The following CCNB3 variants were observed in gnomAD, a reference collection of about 807,000 sequenced individuals.
The protein encoded by CCNB3 is cyclin B3.
Under a neutral mutation model 68.0 loss-of-function variants are expected in CCNB3, and 12 were observed. The observed-to-expected ratio is 0.18, with a 90% CI of 0.11 to 0.29. The LOEUF is 0.29. CCNB3 is among the 10% of genes least tolerant of loss of function. The pLI is 1.00. For missense variants in CCNB3, 904 were observed against 993.1 expected (o/e 0.91, Z 1.21); for synonymous variants, 354 against 388.9 (o/e 0.91, Z 1.06).
intron 8 of CCNB3, among the ~76,000 whole-genome samples, chrX:50,338,589 A>G (rs1201800674): frequency 2.7e-5 from 3 of 111,819 alleles, no homozygotes; most frequent in Non-Finnish European, 5.6e-5. Context: ...GTCAATTTTT[A>G]ACTACCAGGC....
chrX:50,220,496 G>A (rs1466228963), intron 1 of CCNB3, among the ~76,000 whole-genome samples: 1 of 111,532 alleles, frequency 9.0e-6, no homozygotes, highest in Non-Finnish European at 1.9e-5. Context: ...GAATTTTATC[G>A]AAGACCTTTT....
chrX:50,227,441 T>A (rs1392989482), intron 1 of CCNB3, among the ~76,000 whole-genome samples: 1 of 87,338 alleles, frequency 1.1e-5, no homozygotes, highest in African/African-American at 4.2e-5. Context: ...ACAGAGAATA[T>A]ATACAAATAT....
intron 1 of CCNB3, among the ~76,000 whole-genome samples, chrX:50,224,061 GT>G (rs1416341161): frequency 1.8e-5 from 2 of 110,683 alleles, no homozygotes; most frequent in South Asian, 3.8e-4. Context: ...TTGTTGTTAG[GT>G]TTTTTTTAAC....
intron 2 of CCNB3, 64 bp from the exon 3 acceptor site, chrX:50,285,063 G>T (rs1936210538): frequency 1.5e-6 from 1 of 645,673 alleles, no homozygotes; most frequent in Non-Finnish European, 2.5e-6. Flanking sequence ...GTTTTCTCAA[G>T]AATTTTCAGA....
In CCNB3 at chrX:50,279,310, AT is replaced by A. The variant is rs1936030006; in HGVS notation, c.-112-5229del. Among the ~76,000 whole-genome samples the A allele has an allele frequency of 4.2e-5, 3 of 72,237 alleles. No homozygotes were observed. The South Asian group carries it at 2.2e-3, about 53-fold the overall frequency. 62.7% of individuals were successfully genotyped at this position (72,237 alleles called of 115,157 possible). A position where few individuals can be genotyped will look rare whatever the true frequency, so the allele number is the denominator to read the frequency against. On this transcript the variant is annotated intron_variant, in intron 1 of 12. Coordinates refer to ENST00000376042, the MANE Select transcript of CCNB3 (RefSeq NM_033031.3). ...TATATAAATATATATGAATATTTAT[AT>A]TTAATATATATTTAAATATATATGA...
At chrX:50,213,239 T>C (rs1369056139) in intron 1 of CCNB3, among the ~76,000 whole-genome samples, 6 of 112,351 alleles carry the variant, frequency 5.3e-5, no homozygotes, top group Non-Finnish European at 1.1e-4. Flanking sequence ...TCTTTCCATT[T>C]ATTTAGGTCT....
At chrX:50,297,795 C>T (rs1936511615) in intron 5 of CCNB3, among the ~76,000 whole-genome samples, 1 of 111,504 alleles carries the variant, frequency 9.0e-6, no homozygotes, top group African/African-American at 3.3e-5. Flanking sequence ...TTTGTATCCT[C>T]TTTTATTTCA....
chrX:50,326,629 T>C (rs1472042796), intron 8 of CCNB3, among the ~76,000 whole-genome samples: 1 of 111,214 alleles, frequency 9.0e-6, no homozygotes, highest in African/African-American at 3.3e-5. Flanking sequence ...CTCTGTTACA[T>C]TGCTTAAATT....
chrX:50,279,258 A>AAT (rs1936026409), intron 1 of CCNB3, among the ~76,000 whole-genome samples: 1 of 70,986 alleles, frequency 1.4e-5, no homozygotes, highest in African/African-American at 5.8e-5. Context: ...ACTATATATA[A>AAT]ATATATAGAG....
chrX:50,226,235 T>TC (rs1341624190), intron 1 of CCNB3, among the ~76,000 whole-genome samples: 1 of 61,020 alleles, frequency 1.6e-5, no homozygotes, highest in East Asian at 4.8e-4. Flanking sequence ...ATATATATAT[T>TC]TATATATATA....
intron 5 of CCNB3, among the ~76,000 whole-genome samples, chrX:50,304,196 A>G (rs1043745985): frequency 9.0e-6 from 1 of 111,703 alleles, no homozygotes; most frequent in Non-Finnish European, 1.9e-5. Flanking sequence ...CTCATTAACT[A>G]TCATTATGCC....
intron 1 of CCNB3, among the ~76,000 whole-genome samples, chrX:50,282,830 C>T (rs1242386003): frequency 1.8e-5 from 2 of 110,898 alleles, no homozygotes; most frequent in African/African-American, 6.6e-5. Context: ...CTGTGGGCTC[C>T]GTATTTCTTT....
At chrX:50,311,790 C>T (rs1557215090) in intron 6 of CCNB3, among the ~76,000 whole-genome samples, 1 of 110,484 alleles carries the variant, frequency 9.1e-6, no homozygotes, top group Admixed American at 9.7e-5. Flanking sequence ...GATACATTTC[C>T]CAGGTTCTTT....
chrX:50,288,907 C>T lies in CCNB3; in HGVS notation c.204+20C>T. ...ACTAATGTGAGTATGCTAGTCCAAT[C>T]CTTTGCTATGGTTTTGCATAAGGCT... is the stretch of plus-strand genomic sequence containing the variant. On this transcript the variant is annotated intron_variant, in intron 4 of 12. Transcript: ENST00000376042. 9.5e-7 allele frequency: 1 copy of T among 1,050,553 alleles called. No homozygotes were observed. The highest frequency in any genetic ancestry group is 2.0e-5 in the South Asian group (1 of 50,080). 86.6% of individuals were successfully genotyped at this position (1,050,553 alleles called of 1,213,427 possible). A position where few individuals can be genotyped will look rare whatever the true frequency, so the allele number is the denominator to read the frequency against.
At chrX:50,326,614 A>C (rs1384226075) in intron 8 of CCNB3, among the ~76,000 whole-genome samples, 3 of 110,937 alleles carry the variant, frequency 2.7e-5, no homozygotes, top group African/African-American at 9.8e-5. Context: ...TATGCTGTTC[A>C]CTGCCTCTGT....
intron 8 of CCNB3, among the ~76,000 whole-genome samples, chrX:50,319,088 C>T (rs1442499162): frequency 9.0e-6 from 1 of 111,290 alleles, no homozygotes; most frequent in African/African-American, 3.3e-5. Flanking sequence ...CTTCTTATCC[C>T]TTTGCTGATT....
At chrX:50,318,213 T>TAA (rs782490765) in intron 8 of CCNB3, among the ~76,000 whole-genome samples, 39 of 94,180 alleles carry the variant, frequency 4.1e-4, no homozygotes, top group African/African-American at 9.2e-4. Context: ...ACTCTATTCT[T>TAA]AAAAAAAAAA....
Position 50,312,543 on chromosome X carries a change from C to G in CCNB3, c.3334C>G (p.Pro1112Ala), listed in dbSNP as rs1921518247. 1 of 1,198,861 alleles carries G rather than the reference C, an allele frequency of 8.3e-7. No individual in the cohort carries two copies. The highest frequency in any genetic ancestry group is 1.8e-5 in the African/African-American group (1 of 56,661). ...QAKGTPKEITPREDIDEDSSD... is the reference protein window; with the variant it reads ...QAKGTPKEITAREDIDEDSSD... ...TTTGGTGATTTCTAAGCAGATAACCCCACGGGAAGATATTGATGAGGACAG... is the reference window on the plus strand; with the variant it reads ...TTTGGTGATTTCTAAGCAGATAACCGCACGGGAAGATATTGATGAGGACAG... The change falls in exon 7 of 13, where the codon CCA becomes GCA. Residue 1112 changes from proline (P) to alanine (A), a missense_variant. Pro to Ala is a conservative substitution (Grantham distance 27). This residue lies in a region of CCNB3 where 285 missense variants were observed against 383.4 expected (regional missense o/e 0.74). Coordinates refer to ENST00000376042, the MANE Select transcript of CCNB3 (RefSeq NM_033031.3).
intron 4 of CCNB3, among the ~76,000 whole-genome samples, chrX:50,289,625 T>C (rs1936312150): frequency 8.9e-6 from 1 of 111,935 alleles, no homozygotes; most frequent in Non-Finnish European, 1.9e-5. Context: ...CTAAGCATGT[T>C]ATCCTGCATC....
Sources: allele counts gnomAD v4.1 joint callset (sites outside exome capture counted in the v4.1 genomes callset), GRCh38; gene constraint gnomAD v4.1.1; regional missense constraint gnomAD v4.1.1; transcripts MANE v1.5; gene names NCBI Gene and HGNC (gene_info 2026-07-23, HGNC 2026-07-21).